SCO1: variants seen among roughly 807,000 people sequenced by gnomAD.
SCO1 encodes synthesis of cytochrome C oxidase 1.
SCO1 carries 23 observed loss-of-function variants against 34.0 expected under a neutral mutation model. The ratio of observed to expected loss-of-function variants is 0.68; its 90% CI spans 0.49 to 0.96. SCO1 has a LOEUF of 0.96. SCO1 is among the 40% of genes least tolerant of loss of function. The pLI, the probability that SCO1 is intolerant of heterozygous loss-of-function variation, is 0.00. For synonymous variants in SCO1, 161 were observed against 145.5 expected, an observed-to-expected ratio of 1.11 and a Z score of -0.77; for missense variants, 404 against 381.6, an observed-to-expected ratio of 1.06 and a Z score of -0.49.
At chr17:10,681,984 T>C (rs2074624417) in intron 5 of SCO1, among the ~76,000 whole-genome samples, 1 of 152,204 alleles carries the variant, frequency 6.6e-6, no homozygotes, top group Admixed American at 6.5e-5. Context: ...AAGCAAATCC[T>C]CGGGAGCATA....
intron 2 of SCO1, 192 bp downstream of exon 2, chr17:10,695,549 G>A: frequency 1.9e-6 from 1 of 537,920 alleles, no homozygotes. Flanking sequence ...CATGAAAAAT[G>A]TGTCATGGTT....
At chr17:10,695,098 A>T (rs2074713419) in intron 2 of SCO1, among the ~76,000 whole-genome samples, 1 of 152,216 alleles carries the variant, frequency 6.6e-6, no homozygotes, top group South Asian at 2.1e-4. Context: ...GCTAATCCAG[A>T]GCAGTTCCTG....
intron 5 of SCO1, among the ~76,000 whole-genome samples, chr17:10,684,800 G>A (rs1306338550): frequency 2.6e-5 from 4 of 152,196 alleles, no homozygotes; most frequent in Non-Finnish European, 5.9e-5. Context: ...ACAGAAGTCC[G>A]GAAAGTCCTT....
rs2074599868 is a variant in SCO1, at chr17:10,678,858, G to T, written c.*2261C>A. 6.7e-6 allele frequency: 1 copy of T among 148,348 alleles called. No individual in the cohort carries two copies. The highest frequency in any genetic ancestry group is 1.5e-5 in the Non-Finnish European group (1 of 67,996). 9.2% of individuals were successfully genotyped at this position (148,348 alleles called of 1,614,324 possible). A position where few individuals can be genotyped will look rare whatever the true frequency, so the allele number is the denominator to read the frequency against. On this transcript the variant is annotated 3_prime_UTR_variant, in exon 6 of 6. Coordinates refer to ENST00000255390, the MANE Select transcript of SCO1 (RefSeq NM_004589.4). ...GAAGGCAAAAATCAAGGAGTCAGCAGGGTTTGTTTTTTTTTTTTTTTCTCA... is the reference window on the plus strand; with the variant it reads ...GAAGGCAAAAATCAAGGAGTCAGCATGGTTTGTTTTTTTTTTTTTTTCTCA...
At chr17:10,687,866 T>C (rs918048831) in intron 4 of SCO1, among the ~76,000 whole-genome samples, 2 of 152,224 alleles carry the variant, frequency 1.3e-5, no homozygotes, top group African/African-American at 2.4e-5. Flanking sequence ...GGGGATATTA[T>C]GGTTTGGTTA....
chr17:10,681,494 A>G (rs1159712585), intron 5 of SCO1, among the ~76,000 whole-genome samples: 2 of 152,242 alleles, frequency 1.3e-5, no homozygotes. Flanking sequence ...AGAACCTGAA[A>G]TTCTTTTGGT....
intron 4 of SCO1, among the ~76,000 whole-genome samples, chr17:10,690,764 T>C (rs1042955670): frequency 6.6e-6 from 1 of 152,138 alleles, no homozygotes; most frequent in East Asian, 1.9e-4. Flanking sequence ...CTAATCACAA[T>C]AGCCAAGATA....
rs755105997 is a variant in SCO1 at position 10,680,485 on chromosome 17, C to T, written c.*634G>A. ...TGGCACACCACTTAGCTAAAAATCA[C>T]ATAAAAGAACCCCTAGAGAAATCAA... On this transcript the variant is annotated 3_prime_UTR_variant, in exon 6 of 6. Transcript: ENST00000255390. 6.4e-6 allele frequency: 1 copy of T among 155,630 alleles called. No individual in the cohort carries two copies. Among genetic ancestry groups the T allele is most frequent in the African/African-American group, 2.4e-5 (1 of 41,450 alleles). The allele number at this position is 155,630 out of a possible 1,614,324, so 9.6% of individuals were successfully genotyped here.
intron 1 of SCO1, 145 bp downstream of exon 1, chr17:10,697,090 T>C (rs1330980762): frequency 5.2e-6 from 4 of 764,246 alleles, no homozygotes; most frequent in Non-Finnish European, 8.1e-6. Flanking sequence ...TAGGATGAAA[T>C]TCCATGACCC....
At position 10,697,364 on chromosome 17, in the gene SCO1, T is replaced by C. The variant is rs1016709787; in HGVS notation, c.144A>G (p.Gln48=). Residue 48 remains glutamine, a synonymous_variant, in exon 1 of 6, where the codon CAA becomes CAG. Coordinates refer to ENST00000255390, the MANE Select transcript of SCO1 (RefSeq NM_004589.4). ...RVLLRQFCAR[Q]AEAWRASGRP... ...GCCCCGAGGCACGCCACGCCTCCGC[T>C]TGCCGCGCGCAGAACTGCCTCAGCA... 1.3e-6 allele frequency: 2 copies of C among 1,594,286 alleles called. No homozygotes were observed. The highest frequency in any genetic ancestry group is 1.7e-6 in the Non-Finnish European group (2 of 1,170,320).
intron 4 of SCO1, among the ~76,000 whole-genome samples, chr17:10,687,673 C>T (rs2074665070): frequency 6.6e-6 from 1 of 152,158 alleles, no homozygotes; most frequent in African/African-American, 2.4e-5. Flanking sequence ...GCTGCACATT[C>T]AAACTTTTTT....
intron 4 of SCO1, among the ~76,000 whole-genome samples, chr17:10,689,515 T>C (rs868550851): frequency 1.3e-5 from 2 of 152,206 alleles, no homozygotes; most frequent in South Asian, 2.1e-4. Flanking sequence ...TAAGCACATA[T>C]GCTGAAGAAA....
At chr17:10,691,561 C>T (rs549656663) in intron 4 of SCO1, among the ~76,000 whole-genome samples, 4 of 152,322 alleles carry the variant, frequency 2.6e-5, no homozygotes, top group East Asian at 1.9e-4. Context: ...TGAGTTACAG[C>T]GCTGGAGTTA....
intron 2 of SCO1, among the ~76,000 whole-genome samples, chr17:10,693,417 G>A (rs1277012322): frequency 6.6e-6 from 1 of 152,162 alleles, no homozygotes; most frequent in African/African-American, 2.4e-5. Context: ...TGAAATAAAT[G>A]AGTATATTAA....
rs2074597636 is a variant in SCO1 at position 10,678,570 on chromosome 17, A to C, written c.*2549T>G. ...CCACACAAATGTTTTGTGGCTTAAA[A>C]CAGATAATCTTTTTAAAGATTTGGC... On this transcript the variant is annotated 3_prime_UTR_variant, in exon 6 of 6. Coordinates refer to ENST00000255390, the MANE Select transcript of SCO1 (RefSeq NM_004589.4). 1 of 152,232 alleles carries C rather than the reference A, an allele frequency of 6.6e-6. No individual in the cohort carries two copies. Among genetic ancestry groups the C allele is most frequent in the Non-Finnish European group, 1.5e-5 (1 of 68,046 alleles). The allele number at this position is 152,232 out of a possible 1,614,324, so 9.4% of individuals were successfully genotyped here.
chr17:10,686,353 CTGAGGCGGG>C (rs1159893541), intron 5 of SCO1, among the ~76,000 whole-genome samples: 1 of 152,038 alleles, frequency 6.6e-6, no homozygotes, highest in Non-Finnish European at 1.5e-5. Flanking sequence ...CTTTGGGAGG[CTGAGGCGGG>C]TAAGGTCAGG....
rs1205651921 is a variant in SCO1, at chr17:10,676,902, G to A, written c.*4217C>T. On this transcript the variant is annotated 3_prime_UTR_variant, in exon 6 of 6. Coordinates refer to ENST00000255390, the MANE Select transcript of SCO1 (RefSeq NM_004589.4). ...ATAATTACCCCTATAAGGTCTAAAG[G>A]TGTTATTAAGGAATATGTGGCTAAA... is the stretch of plus-strand genomic sequence containing the variant. 1 of 152,208 alleles carries A rather than the reference G, an allele frequency of 6.6e-6. No homozygotes were observed. Among genetic ancestry groups the A allele is most frequent in the Non-Finnish European group, 1.5e-5 (1 of 68,036 alleles). 9.4% of individuals were successfully genotyped at this position (152,208 alleles called of 1,614,324 possible). A position where few individuals can be genotyped will look rare whatever the true frequency, so the allele number is the denominator to read the frequency against.
intron 4 of SCO1, among the ~76,000 whole-genome samples, chr17:10,691,635 G>A (rs766204547): frequency 6.6e-6 from 1 of 152,184 alleles, no homozygotes; most frequent in Non-Finnish European, 1.5e-5. Flanking sequence ...TGAAGGCCAA[G>A]TTCAAATCCT....
At position 10,681,164 on chromosome 17, in the gene SCO1, A is replaced by G. The variant is rs767557727; in HGVS notation, c.861T>C (p.Ala287=). Residue 287 remains alanine (A), a synonymous_variant, in exon 6 of 6, where the codon GCT becomes GCC. Transcript: ENST00000255390. ...FGQNKRKGEI[A]ASIATHMRPY... is the part of the protein sequence containing the mutation. ...GCCTCATGTGTGTGGCAATTGAAGC[A>G]GCTATTTCTCCCTTCCTCTTGTTCT... The G allele has an allele frequency of 3.7e-6, 6 of 1,614,074 alleles. No individual in the cohort carries two copies. In the African/African-American group the frequency reaches 6.7e-5, roughly 18 times the overall value.
Sources: allele counts gnomAD v4.1 joint callset (sites outside exome capture counted in the v4.1 genomes callset), GRCh38; gene constraint gnomAD v4.1.1; transcripts MANE v1.5; gene names NCBI Gene and HGNC (gene_info 2026-07-23, HGNC 2026-07-21).